RUFY4: variants seen among roughly 807,000 people sequenced by gnomAD.
RUFY4 encodes the protein RUN and FYVE domain containing 4.
RUFY4 carries 73 observed loss-of-function variants against 69.0 expected under a neutral mutation model. The ratio of observed to expected loss-of-function variants is 1.06; its 90% confidence interval spans 0.88 to 1.29. The LOEUF is 1.29. Ranked by LOEUF, RUFY4 falls within the 50% of genes most tolerant of loss-of-function variation. The pLI is 0.00. For synonymous variants in RUFY4, 287 were observed against 271.8 expected (o/e 1.06, Z -0.55); for missense variants, 770 against 705.6 (o/e 1.09, Z -1.03).
chr2:218,055,349 C>A (rs1481539685), intron 2 of RUFY4, among the ~76,000 whole-genome samples: 1 of 151,306 alleles, frequency 6.6e-6, no homozygotes, highest in African/African-American at 2.4e-5. Context: ...GAGCCAAGAT[C>A]GTGCCACTGC....
chr2:218,087,430 T>G (rs1034940508), intron 9 of RUFY4, among the ~76,000 whole-genome samples: 1 of 151,978 alleles, frequency 6.6e-6, no homozygotes, highest in Admixed American at 6.6e-5. Context: ...AGAGGTGAGA[T>G]GAAAGGAAGA....
At chr2:218,089,975 A>G in exon 11 of RUFY4, 1 of 1,566,076 alleles carries the variant, frequency 6.4e-7, no homozygotes, top group South Asian at 1.2e-5. Flanking sequence ...CTGCTCTGCC[A>G]TGCTTGCTCC....
intron 8 of RUFY4, among the ~76,000 whole-genome samples, chr2:218,080,171 G>C (rs1246123358): frequency 6.6e-6 from 1 of 152,218 alleles, no homozygotes; most frequent in Non-Finnish European, 1.5e-5. Context: ...GGAGCCAGGG[G>C]CCTCAAAGGC....
chr2:218,073,737 A>C (rs1689552200), intron 5 of RUFY4, 79 bp from the exon 8 acceptor site: 2 of 1,501,662 alleles, frequency 1.3e-6, no homozygotes, highest in African/African-American at 2.8e-5. Flanking sequence ...GCTAGTGGAA[A>C]GATGGGATAC....
intron 9 of RUFY4, 82 bp downstream of exon 11, chr2:218,083,338 C>A: frequency 6.7e-7 from 1 of 1,488,282 alleles, no homozygotes; most frequent in South Asian, 1.3e-5. Context: ...AAATTCTACT[C>A]CACTCACAAC....
At chr2:218,068,965 C>G (rs1251243502), upstream of RUFY4, 2 of 152,518 alleles carry the variant, frequency 1.3e-5, no homozygotes, top group African/African-American at 2.4e-5. Flanking sequence ...TGGCCTCCCT[C>G]TGCCCCCTGG....
chr2:218,056,418 T>C (rs1559424875), intron 2 of RUFY4, among the ~76,000 whole-genome samples: 1 of 152,086 alleles, frequency 6.6e-6, no homozygotes, highest in East Asian at 1.9e-4. Flanking sequence ...AGAGCTTTTT[T>C]CCCCCACTTC....
chr2:218,082,401 A>G (rs1689781878), intron 8 of RUFY4, among the ~76,000 whole-genome samples: 1 of 152,160 alleles, frequency 6.6e-6, no homozygotes, highest in South Asian at 2.1e-4. Context: ...GAGAGCTGCC[A>G]TGATGGTGAA....
At chr2:218,048,508 C>T (rs1574494594) in intron 2 of RUFY4, among the ~76,000 whole-genome samples, 1 of 152,136 alleles carries the variant, frequency 6.6e-6, no homozygotes, top group Non-Finnish European at 1.5e-5. Context: ...GAAATCTTTG[C>T]TCATTCCTAT....
intron 3 of RUFY4, chr2:218,059,598 T>C (rs1559425988): frequency 6.0e-6 from 1 of 167,070 alleles, no homozygotes; most frequent in Non-Finnish European, 1.5e-5. Context: ...CAAGTATGAG[T>C]ACTTCATTCC....
At chr2:218,040,308 G>C (rs758968556) in intron 2 of RUFY4, among the ~76,000 whole-genome samples, 2 of 152,112 alleles carry the variant, frequency 1.3e-5, no homozygotes, top group Non-Finnish European at 2.9e-5. Flanking sequence ...GACTCAGAAG[G>C]GAGGTGTCGT....
upstream of RUFY4, among the ~76,000 whole-genome samples, chr2:218,066,384 A>G (rs747669283): frequency 7.9e-5 from 12 of 151,782 alleles, no homozygotes; most frequent in Non-Finnish European, 1.5e-4. Flanking sequence ...GGGTTTTGCC[A>G]TGTTGGTCTC....
At chr2:218,075,310 T>G in exon 7 of RUFY4, 1 of 1,607,534 alleles carries the variant, frequency 6.2e-7, no homozygotes. Context: ...GGGAAGGAGC[T>G]TCAGCTAGAC....
chr2:218,082,236 CT>C (rs1461786404), intron 8 of RUFY4, among the ~76,000 whole-genome samples: 1 of 152,198 alleles, frequency 6.6e-6, no homozygotes, highest in East Asian at 1.9e-4. Flanking sequence ...TTTACTATTA[CT>C]TTTTTAATTG....
At position 218,055,123 on chromosome 2, in the gene RUFY4, A is replaced by G. The variant is rs115924569; in HGVS notation, c.-1157-3472A>G. On this transcript the variant is annotated intron_variant and NMD_transcript_variant, in intron 2 of 13. Transcript: ENST00000457754. ...AAGAAGAAGATACAAGGCGAAGCAC[A>G]TTGGCTCATGCCTGTAATCCCATCA... Among the ~76,000 whole-genome samples, 499 of 152,282 alleles carry G rather than the reference A, an allele frequency of 3.3e-3. 2 individuals are homozygous for G. The highest frequency in any genetic ancestry group is 0.011 in the African/African-American group (459 of 41,564).
At chr2:218,068,173 AGAGGAGGGCAGGGGACTG>A (rs1401246907), upstream of RUFY4, among the ~76,000 whole-genome samples, 166 of 42,264 alleles carry the variant, frequency 3.9e-3, no homozygotes, top group African/African-American at 0.017. Flanking sequence ...GCAGGGGGTT[AGAGGAGGGCAGGGGACTG>A]GAGGAGGGCA....
intron 8 of RUFY4, among the ~76,000 whole-genome samples, chr2:218,082,853 A>T (rs1039551482): frequency 4.9e-5 from 3 of 61,834 alleles, no homozygotes; most frequent in Non-Finnish European, 6.9e-5. Context: ...TGTATAAATT[A>T]TATGCATGTA....
chr2:218,075,540 C>G, exon 7 of RUFY4: 8 of 1,541,792 alleles, frequency 5.2e-6, no homozygotes, highest in Non-Finnish European at 7.0e-6. Context: ...GATGCCCAGC[C>G]CCAGAGGGGC....
intron 2 of RUFY4, among the ~76,000 whole-genome samples, chr2:218,035,910 G>A (rs1307069453): frequency 6.6e-6 from 1 of 152,218 alleles, no homozygotes; most frequent in Non-Finnish European, 1.5e-5. Context: ...CGAGGAGGAT[G>A]AGTACCCGGG....
Sources: gnomAD v4.1 joint callset for allele counts (sites outside exome capture counted in the v4.1 genomes callset) on GRCh38, gnomAD v4.1.1 for gene constraint, MANE v1.5 for transcripts, NCBI Gene and HGNC (gene_info 2026-07-23, HGNC 2026-07-21) for gene names.